Variants in GIT1 observed in about 807,000 individuals in gnomAD.
The protein encoded by GIT1 is GIT ArfGAP 1, also known as ARF GTPase-activating protein GIT1.
GIT1 carries 14 observed loss-of-function variants against 91.7 expected under a neutral mutation model. That is an observed-to-expected ratio of 0.15 (90% CI 0.10 to 0.24). GIT1 has a LOEUF of 0.24. Among genes scored for constraint, GIT1 ranks in the 10% least tolerant of loss-of-function variants. The pLI is 1.00. For synonymous variants in GIT1, 414 were observed against 418.2 expected (o/e 0.99, Z 0.12); for missense variants, 717 against 1,024.9 (o/e 0.70, Z 4.10).
At chr17:29,587,259 T>C (rs2033622680) in intron 1 of GIT1, among the ~76,000 whole-genome samples, 1 of 152,030 alleles carries the variant, frequency 6.6e-6, no homozygotes, top group Admixed American at 6.6e-5. Context: ...CATCCTAGGG[T>C]CCAGGTGTGG....
Position 29,582,041 on chromosome 17 carries a change from G to A in GIT1, c.509C>T (p.Pro170Leu). 2 of 1,611,714 alleles carry A rather than the reference G, an allele frequency of 1.2e-6. No individual in the cohort carries two copies. The highest frequency in any genetic ancestry group is 1.7e-6 in the Non-Finnish European group (2 of 1,179,978). Reference protein sequence around the residue: ...NFFHPEKGTTPLHVAAKAGQT... With the variant: ...NFFHPEKGTTLLHVAAKAGQT... ...TCCTGCCTTGGCAGCCACGTGCAGA[G>A]GTGTGGTGCCCTTCTCTGGGTGGAA... Residue 170 changes from proline (P) to leucine (L), a missense_variant, in exon 5 of 20, where the codon CCT (proline) becomes CTT (leucine). Coordinates refer to ENST00000225394, the MANE Select transcript of GIT1 (RefSeq NM_014030.4).
At chr17:29,576,818 C>G in intron 12 of GIT1, 45 bp downstream of exon 12, 1 of 1,577,418 alleles carries the variant, frequency 6.3e-7, no homozygotes, top group Non-Finnish European at 8.6e-7. Flanking sequence ...CAGCGAAGGC[C>G]TGGGTCAGGG....
At position 29,589,272 on chromosome 17, in the gene GIT1, C is replaced by T. The variant is rs1276827258; in HGVS notation, c.52+55G>A. On this transcript the variant is annotated intron_variant, in intron 1 of 19. Coordinates refer to ENST00000225394, the MANE Select transcript of GIT1 (RefSeq NM_014030.4). This position sits in a 1 kb window ranked among gnomAD's most constrained non-coding sequence, Gnocchi z 5.2. Reference sequence around the variant, plus strand: ...ACAGCGCTCTTGCCAGGCCCCGGCGCCCGCCCGGCGGCGGCCTGGCTGTGC... The same window carrying T: ...ACAGCGCTCTTGCCAGGCCCCGGCGTCCGCCCGGCGGCGGCCTGGCTGTGC... The T allele has an allele frequency of 2.7e-5, 22 of 818,418 alleles. No individual in the cohort carries two copies. The highest frequency in any genetic ancestry group is 3.1e-5 in the Non-Finnish European group (21 of 675,144). The allele number at this position is 818,418 out of a possible 1,614,324, so 50.7% of individuals were successfully genotyped here.
At position 29,576,400 on chromosome 17, in the gene GIT1, C is replaced by T. The variant is rs750192127; in HGVS notation, c.1431G>A (p.Pro477=). 1.5e-5 allele frequency: 24 copies of T among 1,613,188 alleles called. No individual in the cohort carries two copies. Among genetic ancestry groups the T allele is most frequent in the South Asian group, 4.4e-5 (4 of 91,080 alleles). The change falls in exon 14 of 20, where the codon CCG becomes CCA. Residue 477 remains proline, a synonymous_variant. Transcript: ENST00000225394. ...ENLQLRQPPG[P]VPTPPLPSER... ...CACTGGGGAGTGGAGGTGTGGGCACCGGCCCTGGAGGCTGCCGGAGCTGCA... is the reference window on the plus strand; with the variant it reads ...CACTGGGGAGTGGAGGTGTGGGCACTGGCCCTGGAGGCTGCCGGAGCTGCA...
chr17:29,581,494 G>A lies in GIT1; in HGVS notation c.719-114C>T, dbSNP rs1294598093. On this transcript the variant is annotated intron_variant, in intron 6 of 19. Transcript: ENST00000225394. This position sits in a 1 kb window ranked among gnomAD's most constrained non-coding sequence, Gnocchi z 4.8. ...GCACCCAGAAGTGTCAGGGGAAAGTGGGGAGGGCAGGCCACCCCCAAGAAT... is the reference window on the plus strand; with the variant it reads ...GCACCCAGAAGTGTCAGGGGAAAGTAGGGAGGGCAGGCCACCCCCAAGAAT... 4 of 875,340 alleles carry A rather than the reference G, an allele frequency of 4.6e-6. No homozygotes were observed. Among genetic ancestry groups the A allele is most frequent in the African/African-American group, 1.6e-5 (1 of 61,054 alleles). The allele number at this position is 875,340 out of a possible 1,614,324, so 54.2% of individuals were successfully genotyped here.
At chr17:29,587,673 C>T (rs1306325630) in intron 1 of GIT1, among the ~76,000 whole-genome samples, 1 of 152,126 alleles carries the variant, frequency 6.6e-6, no homozygotes, top group African/African-American at 2.4e-5. Flanking sequence ...GATGGCAGCC[C>T]CCCAAAAACC....
At position 29,589,242 on chromosome 17, in the gene GIT1, C is replaced by T. The variant is rs1450557543; in HGVS notation, c.52+85G>A. The T allele has an allele frequency of 2.3e-6, 1 of 444,098 alleles. No homozygotes were observed. Among genetic ancestry groups the T allele is most frequent in the African/African-American group, 2.1e-5 (1 of 46,892 alleles). 27.5% of individuals were successfully genotyped at this position (444,098 alleles called of 1,614,324 possible). On this transcript the variant is annotated intron_variant, in intron 1 of 19. Coordinates refer to ENST00000225394, the MANE Select transcript of GIT1 (RefSeq NM_014030.4). The surrounding 1 kb of genome is among the most constrained non-coding windows in gnomAD (Gnocchi z 5.2). ...CCCCCGCCCCGCCCAGCCCTCCGGC[C>T]CCGCACAGCGCTCTTGCCAGGCCCC...
At position 29,589,312 on chromosome 17, in the gene GIT1, C is replaced by T; in HGVS notation, c.52+15G>A. The T allele has an allele frequency of 9.7e-7, 1 of 1,027,724 alleles. No homozygotes were observed. Among genetic ancestry groups the T allele is most frequent in the Non-Finnish European group, 1.2e-6 (1 of 855,950 alleles). 63.7% of individuals were successfully genotyped at this position (1,027,724 alleles called of 1,614,324 possible). A position where few individuals can be genotyped will look rare whatever the true frequency, so the allele number is the denominator to read the frequency against. ...CCTGGCTGTGCGGTCCCGCCCCCGG[C>T]CCCGCCGCGCTTACCCGGGGCGCTG... On this transcript the variant is annotated intron_variant, in intron 1 of 19. Coordinates refer to ENST00000225394, the MANE Select transcript of GIT1 (RefSeq NM_014030.4). This position sits in a 1 kb window ranked among gnomAD's most constrained non-coding sequence, Gnocchi z 5.2.
rs1434760669 is a variant in GIT1, at chr17:29,578,351, C to T, written c.831G>A (p.Glu277=). Residue 277 remains glutamate (E), a synonymous_variant, in exon 9 of 20, where the codon GAG becomes GAA. Transcript: ENST00000225394. The part of the protein sequence containing the change: ...KLQALSNRLF[E]ELAMDVYDEV... ...CGTCATACACGTCCATGGCGAGTTC[C>T]TCAAAAAGCCGGTTGCTGAGCTGGA... 1 of 1,614,148 alleles carries T rather than the reference C, an allele frequency of 6.2e-7. No individual in the cohort carries two copies. The highest frequency in any genetic ancestry group is 1.1e-5 in the South Asian group (1 of 91,086).
chr17:29,579,619 C>T (rs2033329011), intron 7 of GIT1, among the ~76,000 whole-genome samples: 1 of 151,916 alleles, frequency 6.6e-6, no homozygotes, highest in Non-Finnish European at 1.5e-5. Context: ...TGCCTGTAGT[C>T]CCAGCTACTC....
intron 1 of GIT1, among the ~76,000 whole-genome samples, chr17:29,588,686 C>T (rs149343668): frequency 6.6e-6 from 1 of 152,324 alleles, no homozygotes; most frequent in Non-Finnish European, 1.5e-5. Context: ...CACCAGCAGG[C>T]CTGGGGATGC....
Position 29,577,655 on chromosome 17 carries a change from G to C in GIT1, c.971C>G (p.Thr324Arg). 1 of 1,605,596 alleles carries C rather than the reference G, an allele frequency of 6.2e-7. No individual in the cohort carries two copies. Among genetic ancestry groups the C allele is most frequent in the Non-Finnish European group, 8.5e-7 (1 of 1,172,462 alleles). The change falls in exon 10 of 20, where the codon ACG becomes AGG. Residue 324 changes from threonine to arginine, a missense_variant. By Grantham distance (71) the Thr-to-Arg change is moderately conservative. This residue lies in a region of GIT1 where 271 missense variants were observed against 451.6 expected (regional missense o/e 0.60). Coordinates refer to ENST00000225394, the MANE Select transcript of GIT1 (RefSeq NM_014030.4). ...FLPVNPEYSATRNQGRQKLAR... is the reference protein window; with the variant it reads ...FLPVNPEYSARRNQGRQKLAR... ...ATCCAGCCCCCTCACCTGATTCCGC[G>C]TGGCTGAGTATTCCGGGTTAACAGG...
chr17:29,581,075 G>C lies in GIT1; in HGVS notation c.761+263C>G, dbSNP rs1260287255. ...ATTACAGGCGTGAGCCACCGCGCCC[G>C]GCCCACAGGTAGCTTCTCACACCCA... is the stretch of plus-strand genomic sequence containing the variant. On this transcript the variant is annotated intron_variant, in intron 7 of 19. Transcript: ENST00000225394. The surrounding 1 kb of genome is among the most constrained non-coding windows in gnomAD (Gnocchi z 4.8). 1 of 526,508 alleles carries C rather than the reference G, an allele frequency of 1.9e-6. No homozygotes were observed. The highest frequency in any genetic ancestry group is 3.4e-6 in the Non-Finnish European group (1 of 291,266). 32.6% of individuals were successfully genotyped at this position (526,508 alleles called of 1,614,324 possible).
rs1290741283 is a variant in GIT1 at position 29,575,941 on chromosome 17, T to G, written c.1666-43A>C. 1 of 1,552,888 alleles carries G rather than the reference T, an allele frequency of 6.4e-7. No homozygotes were observed. The highest frequency in any genetic ancestry group is 8.8e-7 in the Non-Finnish European group (1 of 1,130,154). ...GCTGGATGGAGTCAGTGTGCCCCACTGCCCCCCTGCTCACCAGCAGTGCAG... is the reference window on the plus strand; with the variant it reads ...GCTGGATGGAGTCAGTGTGCCCCACGGCCCCCCTGCTCACCAGCAGTGCAG... On this transcript the variant is annotated intron_variant, in intron 15 of 19. Coordinates refer to ENST00000225394, the MANE Select transcript of GIT1 (RefSeq NM_014030.4). The surrounding 1 kb of genome is among the most constrained non-coding windows in gnomAD (Gnocchi z 5.5).
chr17:29,578,601 G>A, intron 8 of GIT1, 130 bp downstream of exon 8: 2 of 912,000 alleles, frequency 2.2e-6, no homozygotes, highest in Non-Finnish European at 3.7e-6. Flanking sequence ...GGACTGCTGA[G>A]GCCAGTGAGG....
intron 1 of GIT1, 66 bp from the exon 2 acceptor site, chr17:29,583,682 C>A: frequency 6.6e-7 from 1 of 1,506,736 alleles, no homozygotes; most frequent in Non-Finnish European, 8.9e-7. Flanking sequence ...AGCACCTGCT[C>A]TGGCCCGTGC....
chr17:29,579,517 G>A (rs2033325492), intron 7 of GIT1, among the ~76,000 whole-genome samples: 1 of 152,156 alleles, frequency 6.6e-6, no homozygotes. Context: ...AGGCCAAGGT[G>A]GGAGGTTCGC....
chr17:29,576,104 C>A lies in GIT1; in HGVS notation c.1639G>T (p.Val547Leu). Reference protein sequence around the residue: ...TELEDDAIYSVHVPAGLYRIR... With the variant: ...TELEDDAIYSLHVPAGLYRIR... ...CGGTAAAGGCCAGCAGGGACGTGCA[C>A]TGAATAGATGGCGTCGTCCTCTAGC... is the stretch of plus-strand genomic sequence containing the variant. The change falls in exon 15 of 20, where the codon GTG becomes TTG. Residue 547 changes from valine (V) to leucine (L), a missense_variant. Transcript: ENST00000225394. The A allele has an allele frequency of 6.2e-7, 1 of 1,613,806 alleles. No homozygotes were observed. Among genetic ancestry groups the A allele is most frequent in the Non-Finnish European group, 8.5e-7 (1 of 1,179,966 alleles).
At chr17:29,576,736 G>T (rs985604294) in intron 12 of GIT1, 62 bp from the exon 13 acceptor site, 255 of 1,600,752 alleles carry the variant, frequency 1.6e-4, no homozygotes, top group Non-Finnish European at 1.8e-4. Context: ...CCCGCAGGGG[G>T]CAGTTATTGA....
Sources: gnomAD v4.1 joint callset for allele counts (sites outside exome capture counted in the v4.1 genomes callset) on GRCh38, gnomAD v4.1.1 for gene constraint, gnomAD v4.1.1 regional missense constraint, Gnocchi (gnomAD v3.1) non-coding constraint, MANE v1.5 for transcripts, NCBI Gene and HGNC (gene_info 2026-07-23, HGNC 2026-07-21) for gene names.